Variants in KNTC1 observed in about 807,000 individuals in gnomAD.
KNTC1 encodes the protein kinetochore associated 1.
In KNTC1, 253 loss-of-function variants were observed where a neutral mutation model predicts 314.4. The ratio of observed to expected loss-of-function variants is 0.80; its 90% CI spans 0.73 to 0.89. KNTC1 has a LOEUF of 0.89. Ranked by LOEUF, KNTC1 falls within the 40% of genes least tolerant of loss-of-function variation. The pLI is 0.00. For missense variants in KNTC1, 2,475 were observed against 2,572.9 expected (o/e 0.96, Z 0.82); for synonymous variants, 901 against 901.4 (o/e 1.00, Z 0.01).
At chr12:122,613,265 G>A (rs746384471) in intron 54 of KNTC1, 35 bp downstream of exon 54, 3 of 1,351,862 alleles carry the variant, frequency 2.2e-6, no homozygotes, top group South Asian at 2.4e-5. Context: ...TTAAGAAATA[G>A]GAAACAGATC....
At chr12:122,598,746 A>T (rs1312392371) in intron 44 of KNTC1, among the ~76,000 whole-genome samples, 19 of 151,856 alleles carry the variant, frequency 1.3e-4, no homozygotes. Context: ...CAGATGCATA[A>T]CTATTATTCC....
intron 22 of KNTC1, 53 bp from the exon 23 acceptor site, chr12:122,570,823 G>C: frequency 1.8e-6 from 2 of 1,106,646 alleles, no homozygotes; most frequent in South Asian, 1.4e-5. Flanking sequence ...GAGGTTTTTA[G>C]TTATGTCAGT....
In KNTC1 at chr12:122,557,336, G is replaced by A. The variant is rs148864047; in HGVS notation, c.1273-48G>A. On this transcript the variant is annotated intron_variant, in intron 16 of 63. Coordinates refer to ENST00000333479, the MANE Select transcript of KNTC1 (RefSeq NM_014708.6). ...TTACTCTGAGAATAAGCCATCCACA[G>A]GTATTATTGTACTTCAAATTGCTTG... The A allele has an allele frequency of 1.3e-5, 20 of 1,572,218 alleles. No individual in the cohort carries two copies. In the East Asian group the frequency reaches 4.5e-4, roughly 35 times the overall value.
At chr12:122,585,238 C>T (rs1455637823) in intron 36 of KNTC1, among the ~76,000 whole-genome samples, 2 of 151,994 alleles carry the variant, frequency 1.3e-5, no homozygotes, top group Non-Finnish European at 2.9e-5. Context: ...GACAGGGTCT[C>T]ACCATCTTGT....
chr12:122,626,342 C>T lies in KNTC1; in HGVS notation c.*114C>T. 1 of 707,052 alleles carries T rather than the reference C, an allele frequency of 1.4e-6. No homozygotes were observed. Among genetic ancestry groups the T allele is most frequent in the Admixed American group, 2.6e-5 (1 of 37,818 alleles). The allele number at this position is 707,052 out of a possible 1,614,324, so 43.8% of individuals were successfully genotyped here. ...CTCTGTATTATAGCTATTTGTCTAA[C>T]ATTACCCCACATGTAATAAATAAAA... On this transcript the variant is annotated 3_prime_UTR_variant, in exon 64 of 64. Coordinates refer to ENST00000333479, the MANE Select transcript of KNTC1 (RefSeq NM_014708.6).
chr12:122,563,656 G>A (rs569281446), intron 20 of KNTC1: 74 of 731,512 alleles, frequency 1.0e-4, no homozygotes, highest in Middle Eastern at 4.7e-4. Context: ...CTCCATATGT[G>A]TAAGTCCATC....
chr12:122,537,333 T>G (rs1027178031), intron 3 of KNTC1, among the ~76,000 whole-genome samples: 19 of 152,226 alleles, frequency 1.2e-4, no homozygotes, highest in Admixed American at 5.9e-4. Context: ...TGAGCTCTCT[T>G]ACCTGGCTCT....
rs1433481376 is a variant in KNTC1 at position 122,557,425 on chromosome 12, G to A, written c.1314G>A (p.Leu438=). The change falls in exon 17 of 64, where the codon CTG becomes CTA. Residue 438 remains leucine, a synonymous_variant. Coordinates refer to ENST00000333479, the MANE Select transcript of KNTC1 (RefSeq NM_014708.6). ...KVKSNHILEK[L]ALSSVDASEQ... ...AGTCAAATCATATATTGGAGAAACT[G>A]GCATTGAGTTCTGTGGATGCCAGTG... 1 of 1,613,704 alleles carries A rather than the reference G, an allele frequency of 6.2e-7. No homozygotes were observed. The highest frequency in any genetic ancestry group is 1.7e-5 in the Admixed American group (1 of 59,960).
intron 3 of KNTC1, among the ~76,000 whole-genome samples, chr12:122,536,288 C>T (rs868525443): frequency 2.0e-4 from 30 of 151,036 alleles, no homozygotes; most frequent in Middle Eastern, 6.8e-3. Context: ...AGTGTGGTGG[C>T]ATGATGTCAG....
In KNTC1 at chr12:122,551,323, C is replaced by T; in HGVS notation, c.1091C>T (p.Thr364Ile). Residue 364 changes from threonine (T) to isoleucine (I), a missense_variant, in exon 14 of 64, where the codon ACC becomes ATC. Thr to Ile is a moderately conservative substitution (Grantham distance 89, BLOSUM62 -1). Coordinates refer to ENST00000333479, the MANE Select transcript of KNTC1 (RefSeq NM_014708.6). ...SLVQTGISTD[T>I]IYLLEGVCKN... is the part of the protein sequence containing the mutation. ...CATGTTTTTTTGTTATTGTAGGATA[C>T]CATATACCTTTTAGAAGGAGTTTGC... The T allele has an allele frequency of 6.4e-7, 1 of 1,565,760 alleles. No homozygotes were observed. The highest frequency in any genetic ancestry group is 8.8e-7 in the Non-Finnish European group (1 of 1,142,340).
intron 20 of KNTC1, among the ~76,000 whole-genome samples, chr12:122,566,233 G>A (rs1161364753): frequency 1.1e-4 from 17 of 150,272 alleles, no homozygotes; most frequent in African/African-American, 2.7e-4. Flanking sequence ...GAGCCACTGC[G>A]CCCGGCCTAA....
chr12:122,556,206 C>T (rs1297033392), intron 16 of KNTC1, among the ~76,000 whole-genome samples: 4 of 150,898 alleles, frequency 2.7e-5, no homozygotes, highest in Admixed American at 6.6e-5. Flanking sequence ...TTAGTAGAGA[C>T]GGGGTTTTGC....
chr12:122,552,702 T>C, intron 16 of KNTC1, among the ~76,000 whole-genome samples: 1 of 152,172 alleles, frequency 6.6e-6, no homozygotes, highest in South Asian at 2.1e-4. Context: ...AGGAACCTGC[T>C]GACAGTTTTA....
At chr12:122,616,230 G>T (rs930472000) in intron 57 of KNTC1, among the ~76,000 whole-genome samples, 1 of 151,492 alleles carries the variant, frequency 6.6e-6, no homozygotes, top group Non-Finnish European at 1.5e-5. Context: ...CTAAGGGAAC[G>T]ACTGCTTACA....
At chr12:122,596,358 C>G (rs1349747479) in intron 43 of KNTC1, among the ~76,000 whole-genome samples, 1 of 152,004 alleles carries the variant, frequency 6.6e-6, no homozygotes. Context: ...GCTAGGATTA[C>G]AGGCGTGAGC....
intron 11 of KNTC1, 88 bp from the exon 12 acceptor site, chr12:122,547,827 G>A (rs1004315034): frequency 1.1e-5 from 8 of 756,812 alleles, no homozygotes; most frequent in East Asian, 2.9e-5. Context: ...AATTGGCAAA[G>A]CCTACTTTTT....
In KNTC1 at chr12:122,603,227, C is replaced by T; in HGVS notation, c.5085C>T (p.Ala1695=). Residue 1695 remains alanine, a synonymous_variant, in exon 48 of 64, where the codon GCC becomes GCT. Transcript: ENST00000333479. ...EWAVAIAISL[A]QDIPEGSFKI... is the part of the protein sequence containing the mutation. The stretch of plus-strand genomic sequence containing the variant: ...CTGTAGCTATTGCCATCAGCCTTGC[C>T]CAGGATATCCCTGAAGGTATGAGCT... 6.2e-7 allele frequency: 1 copy of T among 1,607,196 alleles called. No homozygotes were observed. Among genetic ancestry groups the T allele is most frequent in the Middle Eastern group, 1.7e-4 (1 of 6,028 alleles).
chr12:122,569,627 G>C, intron 21 of KNTC1, 54 bp from the exon 22 acceptor site: 1 of 1,489,420 alleles, frequency 6.7e-7, no homozygotes. Flanking sequence ...CAAACATTTG[G>C]AAGCCTTTGG....
At chr12:122,546,123 G>A in intron 8 of KNTC1, 53 bp from the exon 9 acceptor site, 1 of 1,017,964 alleles carries the variant, frequency 9.8e-7, no homozygotes, top group Non-Finnish European at 1.6e-6. Flanking sequence ...TTTGAGGAAG[G>A]CTCAGGTCTA....
Sources: allele counts gnomAD v4.1 joint callset (sites outside exome capture counted in the v4.1 genomes callset), GRCh38; gene constraint gnomAD v4.1.1; transcripts MANE v1.5; gene names NCBI Gene and HGNC (gene_info 2026-07-23, HGNC 2026-07-21).